Variants in JAK2 observed in about 807,000 individuals in gnomAD.
JAK2 encodes Janus kinase 2.
JAK2 carries 86 observed loss-of-function variants against 139.3 expected under a neutral mutation model. The ratio of observed to expected loss-of-function variants is 0.62; its 90% CI spans 0.52 to 0.74. JAK2 has a LOEUF of 0.74. JAK2 is among the 30% of genes least tolerant of loss of function. The pLI is 0.00. For synonymous variants in JAK2, 490 were observed against 437.7 expected (o/e 1.12, Z -1.49); for missense variants, 1,421 against 1,360.3 (o/e 1.04, Z -0.70).
Position 5,086,167 on chromosome 9 carries a change from C to T in JAK2, c.2572-3507C>T, listed in dbSNP as rs1312350015. 1.0e-4 allele frequency: 40 copies of T among 385,420 alleles called. No homozygotes were observed. In the South Asian group the frequency reaches 1.9e-3, roughly 18 times the overall value. The allele number at this position is 385,420 out of a possible 1,614,324, so 23.9% of individuals were successfully genotyped here. A position where few individuals can be genotyped will look rare whatever the true frequency, so the allele number is the denominator to read the frequency against. ...CGCAAGGCTCGGGGAGCGGTCTCCA[C>T]GCCGCCGGTCTCCAGCAACAGCCGC... is the stretch of plus-strand genomic sequence containing the variant. On this transcript the variant is annotated intron_variant, in intron 19 of 24. Coordinates refer to ENST00000381652, the MANE Select transcript of JAK2 (RefSeq NM_004972.4).
At chr9:5,097,318 C>G (rs564952623) in intron 22 of JAK2, 7 of 152,100 alleles carry the variant, frequency 4.6e-5, no homozygotes, top group African/African-American at 1.7e-4. Context: ...ACTTTTTGAC[C>G]CTGCTGGTGG....
chr9:5,007,059 A>C (rs1821351732), intron 2 of JAK2, among the ~76,000 whole-genome samples: 1 of 151,644 alleles, frequency 6.6e-6, no homozygotes, highest in Admixed American at 6.6e-5. Flanking sequence ...TATCAATTTT[A>C]ATGCTTTTAA....
chr9:5,114,189 A>G (rs764613328), intron 22 of JAK2: 1 of 458,736 alleles, frequency 2.2e-6, no homozygotes, highest in South Asian at 1.9e-5. Context: ...GCAAGGGGTG[A>G]GCACCTACCT....
chr9:5,091,145 G>T, intron 22 of JAK2: 1 of 330,806 alleles, frequency 3.0e-6, no homozygotes, highest in Non-Finnish European at 5.4e-6. Context: ...GGGATTGTAG[G>T]TTTTTCTTCA....
In JAK2 at chr9:5,114,485, T is replaced by G. The variant is rs1297061484; in HGVS notation, c.3060-8519T>G. ...CCACGACCAAGATCAGCGGCCCATG[T>G]GCTCCCCCACAGGTCTACGTGTTTG... On this transcript the variant is annotated intron_variant, in intron 22 of 24. Transcript: ENST00000381652. The G allele has an allele frequency of 8.6e-6, 4 of 465,770 alleles. 1 individual carries two copies. The Admixed American group carries it at 1.0e-4, about 12-fold the overall frequency. 28.9% of individuals were successfully genotyped at this position (465,770 alleles called of 1,614,324 possible).
chr9:5,068,648 G>A (rs1435302444), intron 10 of JAK2, among the ~76,000 whole-genome samples: 2 of 152,204 alleles, frequency 1.3e-5, no homozygotes, highest in African/African-American at 2.4e-5. Context: ...GTTGTATGTT[G>A]GCAGTGGCAG....
At chr9:5,021,766 A>C (rs544603312) in intron 2 of JAK2, among the ~76,000 whole-genome samples, 197 bp from the exon 3 acceptor site, 1 of 152,336 alleles carries the variant, frequency 6.6e-6, no homozygotes, top group South Asian at 2.1e-4. Context: ...CTAGGACTAC[A>C]AGTGCGTGCT....
chr9:5,090,346 A>C (rs1256238826), intron 20 of JAK2, 100 bp from the exon 21 acceptor site: 1 of 868,258 alleles, frequency 1.2e-6, no homozygotes, highest in African/African-American at 1.8e-5. Context: ...GTCATCTTAG[A>C]TTTCATATAT....
chr9:5,068,476 T>TG (rs1818721687), intron 10 of JAK2, among the ~76,000 whole-genome samples: 1 of 152,180 alleles, frequency 6.6e-6, no homozygotes, highest in African/African-American at 2.4e-5. Flanking sequence ...TTAGAAACAG[T>TG]GGTACTTGAA....
At chr9:5,085,900 T>C (rs1820061668) in intron 19 of JAK2, 1 of 890,228 alleles carries the variant, frequency 1.1e-6, no homozygotes, top group Non-Finnish European at 1.9e-6. Flanking sequence ...GGTTCCTTTC[T>C]AATACCCTCA....
intron 8 of JAK2, among the ~76,000 whole-genome samples, chr9:5,056,883 G>C (rs1330513558): frequency 1.3e-5 from 2 of 152,136 alleles, no homozygotes; most frequent in African/African-American, 2.4e-5. Flanking sequence ...AACTTTCCAA[G>C]GGCACAGTGT....
intron 5 of JAK2, among the ~76,000 whole-genome samples, chr9:5,045,977 T>C (rs1170486071): frequency 6.6e-6 from 1 of 152,190 alleles, no homozygotes; most frequent in Non-Finnish European, 1.5e-5. Context: ...TTTTCTGTAG[T>C]GGCTGCACTA....
At chr9:5,100,343 C>G (rs1224803760) in intron 22 of JAK2, 7 of 152,210 alleles carry the variant, frequency 4.6e-5, no homozygotes, top group Non-Finnish European at 1.0e-4. Flanking sequence ...TGTGATTTCA[C>G]TTTAATTCTA....
chr9:5,072,730 T>G, intron 13 of JAK2, 104 bp downstream of exon 13: 1 of 840,928 alleles, frequency 1.2e-6, no homozygotes, highest in Non-Finnish European at 1.7e-6. Context: ...AATTGTAATT[T>G]TTAAATGTGT....
In JAK2 at chr9:5,031,365, A is replaced by G. The variant is rs557549633; in HGVS notation, c.350+1459A>G. 1.4e-4 allele frequency among the ~76,000 whole-genome samples: 21 copies of G among 152,360 alleles called. No homozygotes were observed. In the South Asian group the frequency reaches 4.3e-3, roughly 32 times the overall value. The stretch of plus-strand genomic sequence containing the variant: ...AAGCCACATAATTAAATTCAGAATC[A>G]TAAACTAAATAATGAGAATGATGGG... On this transcript the variant is annotated intron_variant, in intron 4 of 24. Coordinates refer to ENST00000381652, the MANE Select transcript of JAK2 (RefSeq NM_004972.4).
intron 19 of JAK2, among the ~76,000 whole-genome samples, chr9:5,088,840 C>T (rs376496749): frequency 6.6e-6 from 1 of 152,014 alleles, no homozygotes; most frequent in Non-Finnish European, 1.5e-5. Flanking sequence ...AGAGTTCCAC[C>T]CTTATAACCT....
intron 22 of JAK2, among the ~76,000 whole-genome samples, chr9:5,113,144 T>C (rs1056676373): frequency 6.9e-6 from 1 of 144,880 alleles, no homozygotes; most frequent in African/African-American, 2.6e-5. Context: ...ACCTGCCCCA[T>C]GGACCCTGAA....
Position 5,064,842 on chromosome 9 carries a change from C to T in JAK2, c.1057-41C>T, listed in dbSNP as rs200943926. The T allele has an allele frequency of 1.4e-4, 200 of 1,430,050 alleles. No homozygotes were observed. The Middle Eastern group carries it at 1.7e-3, about 12-fold the overall frequency. 88.6% of individuals were successfully genotyped at this position (1,430,050 alleles called of 1,614,324 possible). The stretch of plus-strand genomic sequence containing the variant: ...TTTTCAATATTTAACATGGAGTTGA[C>T]TTTCTAAAAGGTGCTATTTCTTTTT... On this transcript the variant is annotated intron_variant, in intron 8 of 24. Transcript: ENST00000381652.
At chr9:5,042,778 TC>T (rs1816694875) in intron 4 of JAK2, among the ~76,000 whole-genome samples, 2 of 151,894 alleles carry the variant, frequency 1.3e-5, no homozygotes, top group South Asian at 4.2e-4. Flanking sequence ...GCCCCAGGCC[TC>T]CCCAAAACTA....
Sources: allele counts gnomAD v4.1 joint callset (sites outside exome capture counted in the v4.1 genomes callset), GRCh38; gene constraint gnomAD v4.1.1; transcripts MANE v1.5; gene names NCBI Gene and HGNC (gene_info 2026-07-23, HGNC 2026-07-21).